Variants in HOPX observed in about 807,000 individuals in gnomAD.
HOPX encodes homeodomain-only protein.
Under a neutral mutation model 11.8 loss-of-function variants are expected in HOPX, and 5 were observed. The observed-to-expected ratio is 0.43, with a 90% CI of 0.22 to 0.89. The LOEUF (loss-of-function observed/expected upper bound fraction) is 0.89, where lower values mean the gene tolerates loss of function less well. HOPX is among the 40% of genes least tolerant of loss of function. The pLI is 0.28. For synonymous variants in HOPX, 49 were observed against 49.7 expected, an observed-to-expected ratio of 0.99 and a Z score of 0.06; for missense variants, 119 against 120.0, an observed-to-expected ratio of 0.99 and a Z score of 0.04.
chr4:56,653,211 T>A (rs905168422), intron 3 of HOPX, among the ~76,000 whole-genome samples: 1 of 152,034 alleles, frequency 6.6e-6, no homozygotes, highest in Admixed American at 6.5e-5. Context: ...TTGATTTTTT[T>A]ACTTTTTTAT....
intron 1 of HOPX, among the ~76,000 whole-genome samples, chr4:56,666,073 G>A (rs73240573): frequency 2.0e-5 from 3 of 152,054 alleles, no homozygotes; most frequent in African/African-American, 4.8e-5. Context: ...TCCCTGTGGC[G>A]TATTTCTCAG....
intron 3 of HOPX, among the ~76,000 whole-genome samples, chr4:56,655,465 C>G (rs183954522): frequency 6.6e-6 from 1 of 152,328 alleles, no homozygotes; most frequent in African/African-American, 2.4e-5. Flanking sequence ...CCGAAGGTTT[C>G]GCAGACAGAC....
intron 1 of HOPX, among the ~76,000 whole-genome samples, chr4:56,674,977 G>A (rs1481331920): frequency 6.7e-6 from 1 of 149,586 alleles, no homozygotes; most frequent in Non-Finnish European, 1.5e-5. Context: ...CCTCTGCCTT[G>A]CAAAGTGCTG....
intron 2 of HOPX, among the ~76,000 whole-genome samples, chr4:56,656,936 C>T (rs1260030605): frequency 6.6e-6 from 1 of 152,110 alleles, no homozygotes; most frequent in Non-Finnish European, 1.5e-5. Flanking sequence ...TGAGGAGGAT[C>T]CAGTCAGCTG....
chr4:56,678,755 G>T, intron 1 of HOPX: 1 of 151,856 alleles, frequency 6.6e-6, no homozygotes, highest in Non-Finnish European at 1.5e-5. Flanking sequence ...CCCAGTCACT[G>T]ATTTTTTTTT....
intron 1 of HOPX, among the ~76,000 whole-genome samples, chr4:56,677,194 G>A (rs1334960662): frequency 6.6e-6 from 1 of 151,724 alleles, no homozygotes; most frequent in Non-Finnish European, 1.5e-5. Context: ...CTTCTGATGA[G>A]TTCAACTGCA....
intron 1 of HOPX, among the ~76,000 whole-genome samples, chr4:56,676,786 C>A (rs1719038916): frequency 6.6e-6 from 1 of 151,694 alleles, no homozygotes; most frequent in African/African-American, 2.4e-5. Context: ...TGGGCTCCGA[C>A]TGCCTGCAGA....
chr4:56,649,773 G>A (rs1342640058), intron 3 of HOPX: 1 of 152,378 alleles, frequency 6.6e-6, no homozygotes, highest in African/African-American at 2.4e-5. Flanking sequence ...TTGCTAACCG[G>A]GGTGGTACAG....
At chr4:56,651,809 C>T (rs1018211031) in intron 3 of HOPX, among the ~76,000 whole-genome samples, 2 of 150,618 alleles carry the variant, frequency 1.3e-5, no homozygotes, top group African/African-American at 4.9e-5. Flanking sequence ...TCCCTAAGAA[C>T]CAATTCCAGT....
chr4:56,650,919 A>G, intron 3 of HOPX: 4 of 1,123,688 alleles, frequency 3.6e-6, no homozygotes, highest in Non-Finnish European at 4.9e-6. Context: ...TGTTTAGTTA[A>G]CTCTGGATTC....
intron 1 of HOPX, among the ~76,000 whole-genome samples, chr4:56,671,674 A>G (rs2109540146): frequency 6.6e-6 from 1 of 152,204 alleles, no homozygotes; most frequent in South Asian, 2.1e-4. Context: ...AGCTTTAGCC[A>G]GCTCATTAAC....
At chr4:56,671,077 C>T (rs957984031) in intron 1 of HOPX, among the ~76,000 whole-genome samples, 7 of 151,922 alleles carry the variant, frequency 4.6e-5, no homozygotes, top group Non-Finnish European at 2.9e-5. Flanking sequence ...CACTTTAGAA[C>T]ATTAAAATGT....
At chr4:56,662,820 A>C (rs1337828458) in intron 1 of HOPX, 1 of 152,184 alleles carries the variant, frequency 6.6e-6, no homozygotes, top group African/African-American at 2.4e-5. Context: ...CAGAGGTTCT[A>C]AGATATCACC....
At chr4:56,665,000 A>T (rs1718354252) in intron 1 of HOPX, 1 of 152,288 alleles carries the variant, frequency 6.6e-6, no homozygotes, top group Non-Finnish European at 1.5e-5. Context: ...TCTGTCACCC[A>T]GGCTGGAATG....
chr4:56,673,163 A>G (rs1295582101), intron 1 of HOPX, among the ~76,000 whole-genome samples: 2 of 152,238 alleles, frequency 1.3e-5, no homozygotes, highest in African/African-American at 4.8e-5. Context: ...CCATTACTGC[A>G]GGAGTCAATA....
intron 2 of HOPX, among the ~76,000 whole-genome samples, chr4:56,656,718 G>A (rs1409286202): frequency 6.6e-6 from 1 of 152,216 alleles, no homozygotes; most frequent in Non-Finnish European, 1.5e-5. Context: ...TGAGACACGG[G>A]AGAAACTTCC....
intron 1 of HOPX, among the ~76,000 whole-genome samples, chr4:56,661,493 A>T (rs1718133435): frequency 1.3e-5 from 2 of 152,122 alleles, no homozygotes; most frequent in South Asian, 4.1e-4. Context: ...TGGTTTATAG[A>T]GTGTGTGCTG....
rs114683960 is a variant in HOPX, at chr4:56,674,376, A to G, written c.-84+6879T>C. Among the ~76,000 whole-genome samples, 187 of 151,932 alleles carry G rather than the reference A, an allele frequency of 1.2e-3. 1 individual carries two copies. The highest frequency in any genetic ancestry group is 2.5e-3 in the South Asian group (12 of 4,832). On this transcript the variant is annotated intron_variant, in intron 1 of 3. Coordinates refer to ENST00000420433, the MANE Select transcript of HOPX (RefSeq NM_032495.6). ...CAGGGCTAAGGAAGATTGTTTATGT[A>G]CATTTCCTTAGGGAGAAGCCACAAG...
At chr4:56,653,526 C>T (rs559008952) in intron 3 of HOPX, among the ~76,000 whole-genome samples, 3 of 152,212 alleles carry the variant, frequency 2.0e-5, no homozygotes, top group Admixed American at 2.0e-4. Context: ...AAGCAGACAG[C>T]CTGTGGTTCC....
Sources: allele counts gnomAD v4.1 joint callset (sites outside exome capture counted in the v4.1 genomes callset), GRCh38; gene constraint gnomAD v4.1.1; transcripts MANE v1.5; gene names NCBI Gene and HGNC (gene_info 2026-07-23, HGNC 2026-07-21).